Variants in CELF4 observed in about 807,000 individuals in gnomAD.
CELF4 encodes CUGBP Elav-like family member 4.
In CELF4, 18 loss-of-function variants were observed where a neutral mutation model predicts 59.9. That is an observed-to-expected ratio of 0.30 (90% confidence interval 0.21 to 0.45). The LOEUF (loss-of-function observed/expected upper bound fraction) is 0.45, where lower values mean the gene tolerates loss of function less well. Among genes scored for constraint, CELF4 ranks in the 20% least tolerant of loss-of-function variants. The pLI, the probability that CELF4 is intolerant of heterozygous loss-of-function variation, is 1.00. For synonymous variants in CELF4, 261 were observed against 267.1 expected, an observed-to-expected ratio of 0.98 and a Z score of 0.22; for missense variants, 456 against 689.0, an observed-to-expected ratio of 0.66 and a Z score of 3.79.
At chr18:37,450,133 G>GGT (rs1346176217) in intron 2 of CELF4, among the ~76,000 whole-genome samples, 3 of 152,028 alleles carry the variant, frequency 2.0e-5, no homozygotes, top group Non-Finnish European at 4.4e-5. Flanking sequence ...GAGGCTAGAG[G>GGT]GTGTGTGTGT....
chr18:37,565,567 G>C lies in CELF4; in HGVS notation c.75C>G (p.Ser25Arg). ...TCATGTGCCCGGCACTGCCCGGGCT[G>C]CTGCCGAGCCCGTTGGTACTGAGGC... is the stretch of plus-strand genomic sequence containing the variant. ...NASLSTNGLGSSPGSAGHMNG... is the reference protein window; with the variant it reads ...NASLSTNGLGRSPGSAGHMNG... The change falls in exon 1 of 13, where the codon AGC (serine) becomes AGG (arginine). Residue 25 changes from serine to arginine, a missense_variant. Coordinates refer to ENST00000420428, the MANE Select transcript of CELF4 (RefSeq NM_020180.4). The C allele has an allele frequency of 6.2e-7, 1 of 1,614,008 alleles. No individual in the cohort carries two copies. Among genetic ancestry groups the C allele is most frequent in the Non-Finnish European group, 8.5e-7 (1 of 1,179,930 alleles).
intron 2 of CELF4, among the ~76,000 whole-genome samples, chr18:37,425,427 TGA>T (rs1241834883): frequency 6.6e-6 from 1 of 152,254 alleles, no homozygotes; most frequent in African/African-American, 2.4e-5. Context: ...GAGGGGTCTC[TGA>T]GAGGCAGCTG....
At chr18:37,508,356 G>A (rs1569569703) in intron 1 of CELF4, among the ~76,000 whole-genome samples, 1 of 152,122 alleles carries the variant, frequency 6.6e-6, no homozygotes, top group Non-Finnish European at 1.5e-5. Flanking sequence ...GCAGGAGGGT[G>A]ACTCTCCAGA....
At chr18:37,528,691 G>A (rs2099966407) in intron 1 of CELF4, among the ~76,000 whole-genome samples, 1 of 152,138 alleles carries the variant, frequency 6.6e-6, no homozygotes. Context: ...TGCACCTTCT[G>A]GAGACTGGGA....
At position 37,260,927 on chromosome 18, in the gene CELF4, C is replaced by T. The variant is rs912602824; in HGVS notation, c.1250-1663G>A. Among the ~76,000 whole-genome samples the T allele has an allele frequency of 3.9e-5, 6 of 152,124 alleles. No homozygotes were observed. In the South Asian group the frequency reaches 1.0e-3, roughly 26 times the overall value. On this transcript the variant is annotated intron_variant, in intron 10 of 12. Transcript: ENST00000420428. ...AGAACCGGGCACAAACATGCTCCCT[C>T]ACCCCCTTCCAGGGGTTCCTGGTGC...
intron 2 of CELF4, among the ~76,000 whole-genome samples, chr18:37,441,493 G>A (rs1207112550): frequency 6.6e-6 from 1 of 152,164 alleles, no homozygotes; most frequent in African/African-American, 2.4e-5. Flanking sequence ...TAATTGTTCG[G>A]ATGGGAAGAT....
At chr18:37,295,543 G>T (rs1469668664) in intron 3 of CELF4, among the ~76,000 whole-genome samples, 2 of 152,212 alleles carry the variant, frequency 1.3e-5, no homozygotes, top group Admixed American at 1.3e-4. Flanking sequence ...AGGCAGGGAG[G>T]CATCTGGGAA....
At chr18:37,406,077 T>A (rs2099387204) in intron 2 of CELF4, among the ~76,000 whole-genome samples, 1 of 152,090 alleles carries the variant, frequency 6.6e-6, no homozygotes, top group African/African-American at 2.4e-5. Flanking sequence ...AAGACGCAGG[T>A]TCGCTGGAGA....
At chr18:37,554,274 G>A (rs556856348) in intron 1 of CELF4, among the ~76,000 whole-genome samples, 8 of 152,136 alleles carry the variant, frequency 5.3e-5, no homozygotes, top group Admixed American at 3.9e-4. Flanking sequence ...GCAGTGACCC[G>A]CAGGGCTCTT....
intron 7 of CELF4, among the ~76,000 whole-genome samples, chr18:37,272,180 C>T (rs1257606606): frequency 6.6e-6 from 1 of 152,204 alleles, no homozygotes; most frequent in Non-Finnish European, 1.5e-5. Context: ...GGTGCAGGAC[C>T]AGCCCTTAGG....
chr18:37,314,324 G>A (rs1429497114), intron 3 of CELF4, among the ~76,000 whole-genome samples: 2 of 152,100 alleles, frequency 1.3e-5, no homozygotes, highest in Non-Finnish European at 2.9e-5. Context: ...GCATGGTGGC[G>A]GGCACCTGTA....
At chr18:37,294,515 C>A (rs2095530188) in intron 3 of CELF4, among the ~76,000 whole-genome samples, 1 of 152,220 alleles carries the variant, frequency 6.6e-6, no homozygotes, top group Non-Finnish European at 1.5e-5. Context: ...CTCTGGCTCA[C>A]CCTGGTGAAC....
At chr18:37,449,664 A>G (rs187715623) in intron 2 of CELF4, among the ~76,000 whole-genome samples, 1 of 152,276 alleles carries the variant, frequency 6.6e-6, no homozygotes, top group East Asian at 1.9e-4. Flanking sequence ...AGGGGAAGGA[A>G]GAGCTACTTT....
chr18:37,518,021 C>A (rs569308840), intron 1 of CELF4, among the ~76,000 whole-genome samples: 1 of 152,226 alleles, frequency 6.6e-6, no homozygotes, highest in African/African-American at 2.4e-5. Context: ...CCCTCTCAGG[C>A]CTCAAAAGCA....
At chr18:37,380,006 C>A (rs2099017855) in intron 2 of CELF4, among the ~76,000 whole-genome samples, 2 of 152,262 alleles carry the variant, frequency 1.3e-5, no homozygotes, top group South Asian at 2.1e-4. Context: ...TGTTCAGGAC[C>A]AGACCTTCTG....
At chr18:37,403,179 G>A (rs948914752) in intron 2 of CELF4, among the ~76,000 whole-genome samples, 10 of 151,944 alleles carry the variant, frequency 6.6e-5, no homozygotes, top group African/African-American at 9.7e-5. Context: ...GGGGGAGGGC[G>A]GGCCAGCCAG....
intron 2 of CELF4, among the ~76,000 whole-genome samples, chr18:37,457,758 G>C (rs74697918): frequency 0.029 from 4,418 of 152,202 alleles, 208 homozygotes; most frequent in African/African-American, 0.099. Flanking sequence ...CCAGGAGGCT[G>C]TGGCCTGGCA....
At chr18:37,258,997 G>A in intron 11 of CELF4, 184 bp downstream of exon 11, 1 of 817,440 alleles carries the variant, frequency 1.2e-6, no homozygotes, top group Non-Finnish European at 1.9e-6. Context: ...GCTGGTGAGG[G>A]CCATGGAGCA....
chr18:37,427,649 C>T (rs527581150), intron 2 of CELF4, among the ~76,000 whole-genome samples: 30 of 152,286 alleles, frequency 2.0e-4, no homozygotes, highest in African/African-American at 6.7e-4. Flanking sequence ...GTGGAGACAT[C>T]ACTCTCTTTG....
Sources: gnomAD v4.1 joint callset for allele counts (sites outside exome capture counted in the v4.1 genomes callset) on GRCh38, gnomAD v4.1.1 for gene constraint, MANE v1.5 for transcripts, NCBI Gene and HGNC (gene_info 2026-07-23, HGNC 2026-07-21) for gene names.